FOXP2: variants seen among roughly 807,000 people sequenced by gnomAD.
FOXP2 encodes the protein forkhead box P2.
In FOXP2, 12 loss-of-function variants were observed where a neutral mutation model predicts 115.8. The observed-to-expected ratio is 0.10, with a 90% confidence interval of 0.07 to 0.17. The LOEUF (loss-of-function observed/expected upper bound fraction) is 0.17, where lower values mean the gene tolerates loss of function less well. Ranked by LOEUF, FOXP2 falls within the 10% of genes least tolerant of loss-of-function variation. FOXP2 has a pLI of 1.00. For synonymous variants in FOXP2, 328 were observed against 297.7 expected (o/e 1.10, Z -1.05); for missense variants, 629 against 843.5 (o/e 0.75, Z 3.15).
chr7:114,240,223 T>TC (rs1487431438), intron 1 of FOXP2, among the ~76,000 whole-genome samples: 19 of 152,076 alleles, frequency 1.2e-4, no homozygotes, highest in African/African-American at 4.6e-4. Flanking sequence ...TTTTTGTTGG[T>TC]TGGGGGGAGG....
At chr7:114,318,710 C>CATATATATATATAT (rs144291161) in intron 2 of FOXP2, among the ~76,000 whole-genome samples, 21 of 147,422 alleles carry the variant, frequency 1.4e-4, no homozygotes, top group African/African-American at 5.2e-4. Flanking sequence ...TTAGATAATT[C>CATATATATATATAT]ATATATATAT....
intron 3 of FOXP2, among the ~76,000 whole-genome samples, chr7:114,594,300 G>A (rs1048451528): frequency 3.9e-5 from 6 of 151,974 alleles, no homozygotes; most frequent in African/African-American, 1.4e-4. Context: ...CTAATGAGAG[G>A]TTCTATTTAG....
At chr7:114,584,106 T>C (rs1450319668) in intron 3 of FOXP2, among the ~76,000 whole-genome samples, 3 of 152,150 alleles carry the variant, frequency 2.0e-5, no homozygotes, top group Admixed American at 6.6e-5. Context: ...ATAAAATAAT[T>C]CATTTGGGGT....
At chr7:114,163,316 G>A (rs1489514682) in intron 1 of FOXP2, among the ~76,000 whole-genome samples, 4 of 152,008 alleles carry the variant, frequency 2.6e-5, no homozygotes, top group Non-Finnish European at 5.9e-5. Context: ...AATATTAATT[G>A]TATTTTCTGA....
At chr7:114,425,553 G>C (rs1584719568) in intron 1 of FOXP2, among the ~76,000 whole-genome samples, 1 of 151,596 alleles carries the variant, frequency 6.6e-6, no homozygotes, top group Non-Finnish European at 1.5e-5. Flanking sequence ...TGAAAGTACA[G>C]TATATTTATG....
intron 2 of FOXP2, among the ~76,000 whole-genome samples, chr7:114,443,153 A>G (rs1335171810): frequency 6.6e-6 from 1 of 152,226 alleles, no homozygotes; most frequent in East Asian, 1.9e-4. Context: ...AATGTTTTCA[A>G]ATAAATCAGG....
intron 1 of FOXP2, among the ~76,000 whole-genome samples, chr7:114,156,885 G>T (rs909008611): frequency 2.6e-5 from 4 of 152,024 alleles, no homozygotes; most frequent in Non-Finnish European, 5.9e-5. Flanking sequence ...TGTTGACTTA[G>T]AACTTTAAAT....
At chr7:114,361,053 A>T (rs1791733855) in intron 2 of FOXP2, among the ~76,000 whole-genome samples, 1 of 152,110 alleles carries the variant, frequency 6.6e-6, no homozygotes, top group Non-Finnish European at 1.5e-5. Context: ...CTAAGATAGA[A>T]CTGCCCTACC....
chr7:114,122,590 C>T (rs188571771), intron 1 of FOXP2, among the ~76,000 whole-genome samples: 3 of 151,704 alleles, frequency 2.0e-5, no homozygotes, highest in Admixed American at 2.0e-4. Context: ...CTGTTTTACC[C>T]ATCTTTGGGG....
At chr7:114,442,687 C>A (rs1290795742) in intron 2 of FOXP2, among the ~76,000 whole-genome samples, 1 of 152,090 alleles carries the variant, frequency 6.6e-6, no homozygotes, top group Non-Finnish European at 1.5e-5. Flanking sequence ...CTCCTGGGCT[C>A]AAGTGATCCA....
intron 8 of FOXP2, among the ~76,000 whole-genome samples, chr7:114,646,275 C>G (rs1175574014): frequency 6.6e-6 from 1 of 151,820 alleles, no homozygotes; most frequent in East Asian, 1.9e-4. Flanking sequence ...TTTTATTGCT[C>G]CAAATTGTTC....
intron 16 of FOXP2, among the ~76,000 whole-genome samples, chr7:114,686,177 C>CT (rs1032625310): frequency 2.3e-3 from 333 of 144,526 alleles, no homozygotes; most frequent in South Asian, 5.0e-3. Context: ...TATAATACTT[C>CT]TTTTTTTTTT....
intron 1 of FOXP2, among the ~76,000 whole-genome samples, chr7:114,122,479 G>T (rs1340555850): frequency 6.7e-6 from 1 of 149,836 alleles, no homozygotes; most frequent in African/African-American, 2.5e-5. Context: ...GTTGTACTGC[G>T]TAGGATAGAT....
chr7:114,567,098 A>G (rs1442213935), intron 3 of FOXP2, among the ~76,000 whole-genome samples: 1 of 152,136 alleles, frequency 6.6e-6, no homozygotes, highest in Non-Finnish European at 1.5e-5. Flanking sequence ...GATAAGTTGA[A>G]GACAGATACA....
chr7:114,359,870 C>T (rs1791704565), intron 2 of FOXP2, among the ~76,000 whole-genome samples: 1 of 152,086 alleles, frequency 6.6e-6, no homozygotes, highest in Non-Finnish European at 1.5e-5. Flanking sequence ...TCAGATGAGA[C>T]ATTGGACTGT....
intron 2 of FOXP2, among the ~76,000 whole-genome samples, chr7:114,318,711 A>G (rs1216413167): frequency 1.5e-5 from 1 of 67,580 alleles, no homozygotes; most frequent in Non-Finnish European, 2.9e-5. Flanking sequence ...TAGATAATTC[A>G]TATATATATA....
chr7:114,319,603 C>G (rs1308474474), intron 2 of FOXP2, among the ~76,000 whole-genome samples: 2 of 152,094 alleles, frequency 1.3e-5, no homozygotes, highest in Non-Finnish European at 1.5e-5. Flanking sequence ...TCTATTGAGA[C>G]CCATTCACTA....
At position 114,659,246 on chromosome 7, in the gene FOXP2, C is replaced by T. The variant is rs567257888; in HGVS notation, c.1469-110C>T. On this transcript the variant is annotated intron_variant, in intron 11 of 16. Coordinates refer to ENST00000350908, the MANE Select transcript of FOXP2 (RefSeq NM_014491.4). ...TGTCATGCTTTGTGCTTTCACTAGTCGGTGGCTTCCTCACTGAATCACTTT... is the reference window on the plus strand; with the variant it reads ...TGTCATGCTTTGTGCTTTCACTAGTTGGTGGCTTCCTCACTGAATCACTTT... 227 of 787,522 alleles carry T rather than the reference C, an allele frequency of 2.9e-4. 1 individual carries two copies. The African/African-American group carries it at 3.5e-3, about 12-fold the overall frequency. The allele number at this position is 787,522 out of a possible 1,614,324, so 48.8% of individuals were successfully genotyped here. A position where few individuals can be genotyped will look rare whatever the true frequency, so the allele number is the denominator to read the frequency against.
intron 10 of FOXP2, among the ~76,000 whole-genome samples, chr7:114,657,484 C>G (rs1806649930): frequency 6.6e-6 from 1 of 152,102 alleles, no homozygotes; most frequent in African/African-American, 2.4e-5. Context: ...TGAAAATTTT[C>G]AGCCTCCTCC....
Sources: allele counts gnomAD v4.1 joint callset (sites outside exome capture counted in the v4.1 genomes callset), GRCh38; gene constraint gnomAD v4.1.1; transcripts MANE v1.5; gene names NCBI Gene and HGNC (gene_info 2026-07-23, HGNC 2026-07-21).